Variants in USP47 observed in about 807,000 individuals in gnomAD.
The protein encoded by USP47 is ubiquitin specific peptidase 47.
USP47 carries 35 observed loss-of-function variants against 165.1 expected under a neutral mutation model. The ratio of observed to expected loss-of-function variants is 0.21; its 90% CI spans 0.16 to 0.28. USP47 has a LOEUF of 0.28. Ranked by LOEUF, USP47 falls within the 10% of genes least tolerant of loss-of-function variation. USP47 has a pLI of 1.00. For missense variants in USP47, 1,277 were observed against 1,607.4 expected, an observed-to-expected ratio of 0.79 and a Z score of 3.52; for synonymous variants, 531 against 544.5, an observed-to-expected ratio of 0.98 and a Z score of 0.35.
intron 20 of USP47, among the ~76,000 whole-genome samples, chr11:11,944,257 A>C (rs2134805221): frequency 6.6e-6 from 1 of 151,468 alleles, no homozygotes; most frequent in East Asian, 1.9e-4. Context: ...GAGGAGGTGC[A>C]CAGTCACCCA....
At chr11:11,882,875 T>C (rs1362906882) in intron 2 of USP47, among the ~76,000 whole-genome samples, 2 of 152,220 alleles carry the variant, frequency 1.3e-5, no homozygotes, top group African/African-American at 4.8e-5. Context: ...TGTTAAATTA[T>C]CTTCCACAAT....
At position 11,947,942 on chromosome 11, in the gene USP47, T is replaced by A; in HGVS notation, c.3092-3T>A. 1 of 1,590,598 alleles carries A rather than the reference T, an allele frequency of 6.3e-7. No homozygotes were observed. The highest frequency in any genetic ancestry group is 8.5e-7 in the Non-Finnish European group (1 of 1,173,472). ...CCTGTTTTGGTTTTTTTTTTGTGCT[T>A]AGGGTTGATGGTGCATGTTGATAAA... On this transcript the variant is annotated splice_polypyrimidine_tract_variant and splice_region_variant and intron_variant, in intron 20 of 27. Coordinates refer to ENST00000527733, the MANE Select transcript of USP47 (RefSeq NM_001282659.2).
chr11:11,865,729 T>C (rs184924454), intron 1 of USP47, among the ~76,000 whole-genome samples: 2 of 152,244 alleles, frequency 1.3e-5, no homozygotes, highest in African/African-American at 2.4e-5. Context: ...TTATAATGGG[T>C]GTGAAGTCGT....
intron 4 of USP47, 26 bp downstream of exon 4, chr11:11,892,132 A>G: frequency 1.2e-6 from 2 of 1,604,478 alleles, no homozygotes; most frequent in Non-Finnish European, 1.7e-6. Flanking sequence ...TTTTCATAAA[A>G]TCATAGGGCA....
Position 11,875,663 on chromosome 11 carries a change from G to A in USP47, c.40-4514G>A, listed in dbSNP as rs147592118. ...CTGTCGCCCAGGCTGGAGTGCAGTG[G>A]CACGATCTCAGCTCACTGCAAACTC... On this transcript the variant is annotated intron_variant, in intron 1 of 27. Coordinates refer to ENST00000527733, the MANE Select transcript of USP47 (RefSeq NM_001282659.2). 2.4e-3 allele frequency among the ~76,000 whole-genome samples: 367 copies of A among 152,206 alleles called. 2 individuals carry two copies. Among genetic ancestry groups the A allele is most frequent in the African/African-American group, 8.4e-3 (348 of 41,532 alleles).
intron 8 of USP47, among the ~76,000 whole-genome samples, chr11:11,905,871 T>C (rs1262764200): frequency 6.6e-6 from 1 of 152,170 alleles, no homozygotes; most frequent in East Asian, 1.9e-4. Context: ...AATGCTGTTA[T>C]TGTGACCACT....
chr11:11,902,885 G>A (rs369802747), intron 6 of USP47, 25 bp downstream of exon 6: 3 of 1,524,732 alleles, frequency 2.0e-6, no homozygotes, highest in East Asian at 2.3e-5. Flanking sequence ...GTAATGATAA[G>A]CGTTCTAATA....
chr11:11,881,904 T>C (rs1850856970), intron 2 of USP47, among the ~76,000 whole-genome samples: 1 of 152,106 alleles, frequency 6.6e-6, no homozygotes. Context: ...CATGTGAATT[T>C]TGGGGAGACA....
At chr11:11,873,578 A>C (rs1245146182) in intron 1 of USP47, among the ~76,000 whole-genome samples, 1 of 152,108 alleles carries the variant, frequency 6.6e-6, no homozygotes, top group Non-Finnish European at 1.5e-5. Flanking sequence ...TCTTTATTAA[A>C]ATGGCTATTT....
At chr11:11,937,855 A>G (rs1168093901) in intron 17 of USP47, among the ~76,000 whole-genome samples, 2 of 151,954 alleles carry the variant, frequency 1.3e-5, no homozygotes, top group African/African-American at 2.4e-5. Flanking sequence ...TTATTTTTCA[A>G]GTGATTAAGA....
chr11:11,892,380 CTTT>C (rs1300802562), intron 4 of USP47, among the ~76,000 whole-genome samples: 1 of 121,138 alleles, frequency 8.3e-6, no homozygotes, highest in South Asian at 2.7e-4. Flanking sequence ...TTTTAATTTT[CTTT>C]TTTTTTTTTT....
At chr11:11,920,007 C>A in intron 8 of USP47, 149 bp from the exon 9 acceptor site, 1 of 493,778 alleles carries the variant, frequency 2.0e-6, no homozygotes. Context: ...TATTATTTTA[C>A]TGTTGATAAT....
chr11:11,907,867 G>A (rs567800921), intron 8 of USP47, among the ~76,000 whole-genome samples: 10 of 152,160 alleles, frequency 6.6e-5, no homozygotes, highest in South Asian at 6.2e-4. Flanking sequence ...AAGCCGAGGC[G>A]GGCAGATCAC....
intron 6 of USP47, 80 bp downstream of exon 6, chr11:11,902,940 C>A: frequency 1.5e-6 from 2 of 1,371,916 alleles, no homozygotes; most frequent in Non-Finnish European, 1.9e-6. Context: ...ACACATTACA[C>A]ATAATTACCT....
At chr11:11,882,684 A>G (rs1166924942) in intron 2 of USP47, among the ~76,000 whole-genome samples, 1 of 152,096 alleles carries the variant, frequency 6.6e-6, no homozygotes, top group Non-Finnish European at 1.5e-5. Context: ...TGCCGCTTTA[A>G]AAGTAATTTT....
chr11:11,952,893 C>T, intron 25 of USP47, 22 bp downstream of exon 25: 1 of 1,572,994 alleles, frequency 6.4e-7, no homozygotes, highest in Non-Finnish European at 8.6e-7. Flanking sequence ...TTAAACAAAA[C>T]ATGTATCTTA....
chr11:11,846,621 T>G (rs1848442038), intron 1 of USP47, among the ~76,000 whole-genome samples: 1 of 152,134 alleles, frequency 6.6e-6, no homozygotes, highest in South Asian at 2.1e-4. Flanking sequence ...TATTGAGCAT[T>G]TATTTATATA....
At chr11:11,905,302 A>G in intron 7 of USP47, 97 bp from the exon 8 acceptor site, 3 of 738,108 alleles carry the variant, frequency 4.1e-6, no homozygotes, top group East Asian at 3.5e-5. Flanking sequence ...GTAAATATCA[A>G]TATCCTTTTG....
chr11:11,869,918 G>A (rs1849926542), intron 1 of USP47, among the ~76,000 whole-genome samples: 2 of 152,130 alleles, frequency 1.3e-5, no homozygotes, highest in Non-Finnish European at 2.9e-5. Context: ...CTTGCCAGAT[G>A]CTGGCATCTT....
Sources: gnomAD v4.1 joint callset for allele counts (sites outside exome capture counted in the v4.1 genomes callset) on GRCh38, gnomAD v4.1.1 for gene constraint, MANE v1.5 for transcripts, NCBI Gene and HGNC (gene_info 2026-07-23, HGNC 2026-07-21) for gene names.